ASH1L: variants seen among roughly 807,000 people sequenced by gnomAD.
ASH1L encodes histone-lysine N-methyltransferase ASH1L.
In ASH1L, 23 loss-of-function variants were observed where a neutral mutation model predicts 269.0. That is an observed-to-expected ratio of 0.09 (90% CI 0.06 to 0.12). The LOEUF is 0.12. Ranked by LOEUF, ASH1L falls within the 10% of genes least tolerant of loss-of-function variation. The probability of loss-of-function intolerance (pLI) is 1.00; values close to 1 mark genes in which losing one functional copy is unlikely to be tolerated. For synonymous variants in ASH1L, 1,187 were observed against 1,253.5 expected, an observed-to-expected ratio of 0.95 and a Z score of 1.12; for missense variants, 2,912 against 3,567.8, an observed-to-expected ratio of 0.82 and a Z score of 4.68.
Position 155,357,766 on chromosome 1 carries a change from T to A in ASH1L, c.6796-17A>T. The A allele has an allele frequency of 6.3e-7, 1 of 1,594,358 alleles. No individual in the cohort carries two copies. Among genetic ancestry groups the A allele is most frequent in the South Asian group, 1.1e-5 (1 of 87,250 alleles). On this transcript the variant is annotated splice_polypyrimidine_tract_variant and intron_variant, in intron 13 of 27. Coordinates refer to ENST00000392403, the MANE Select transcript of ASH1L (RefSeq NM_018489.3). Reference sequence around the variant, plus strand: ...ACAAAGTTGCTTTGAAGGGAGAGAATAATTTTTTTATTTTTATTTTTTTAA... The same window carrying A: ...ACAAAGTTGCTTTGAAGGGAGAGAAAAATTTTTTTATTTTTATTTTTTTAA...
rs141623223 is a variant in ASH1L at position 155,357,657 on chromosome 1, C to T, written c.6888G>A (p.Gln2296=). The change falls in exon 14 of 28, where the codon CAG becomes CAA. Residue 2296 remains glutamine (Q), a synonymous_variant. Coordinates refer to ENST00000392403, the MANE Select transcript of ASH1L (RefSeq NM_018489.3). Reference sequence around the variant, plus strand: ...CAGATTTTTTGTGTGTGGCCATGGGCTGGCTGTTTTTGCTGCTGGTGAGTC... The same window carrying T: ...CAGATTTTTTGTGTGTGGCCATGGGTTGGCTGTTTTTGCTGCTGGTGAGTC... The part of the protein sequence containing the change: ...VNGLTSSKNS[Q]PMATHKKSGR... 6.2e-7 allele frequency: 1 copy of T among 1,614,136 alleles called. No homozygotes were observed. Among genetic ancestry groups the T allele is most frequent in the South Asian group, 1.1e-5 (1 of 91,084 alleles).
rs1470388939 is a variant in ASH1L at position 155,337,062 on chromosome 1, G to C, written c.*598C>G. The C allele has an allele frequency of 6.6e-6, 1 of 152,348 alleles. No homozygotes were observed. The allele number at this position is 152,348 out of a possible 1,614,324, so 9.4% of individuals were successfully genotyped here. On this transcript the variant is annotated 3_prime_UTR_variant, in exon 28 of 28. Coordinates refer to ENST00000392403, the MANE Select transcript of ASH1L (RefSeq NM_018489.3). ...ATTTTGGGGAGTAGAGGTAGGGAGG[G>C]GGCAGCAGTTACAAGTGCTTTGAGC...
intron 1 of ASH1L, among the ~76,000 whole-genome samples, chr1:155,549,643 A>G (rs1280142519): frequency 6.6e-6 from 1 of 151,834 alleles, no homozygotes; most frequent in Non-Finnish European, 1.5e-5. Context: ...AAAAAAAAAA[A>G]ATTTAAGTAT....
Position 155,562,449 on chromosome 1 carries a change from A to T in ASH1L, c.-396T>A, listed in dbSNP as rs955052567. On this transcript the variant is annotated 5_prime_UTR_variant, in exon 1 of 28. Coordinates refer to ENST00000392403, the MANE Select transcript of ASH1L (RefSeq NM_018489.3). ...GAGCGGCGGCGGCGGCGGCGGCAGC[A>T]GCAGAGTGGCGGCGGTGGCGGCGGC... 6.8e-6 allele frequency: 10 copies of T among 1,465,180 alleles called. No homozygotes were observed. In the Admixed American group the frequency reaches 2.0e-4, roughly 29 times the overall value. The allele number at this position is 1,465,180 out of a possible 1,614,324, so 90.8% of individuals were successfully genotyped here. A position where few individuals can be genotyped will look rare whatever the true frequency, so the allele number is the denominator to read the frequency against.
intron 7 of ASH1L, among the ~76,000 whole-genome samples, chr1:155,393,928 G>T (rs757837164): frequency 2.6e-5 from 4 of 152,098 alleles, no homozygotes; most frequent in Non-Finnish European, 4.4e-5. Context: ...AATCCAGGGA[G>T]AGTAAGAAAG....
At chr1:155,531,958 T>C (rs1209398015) in intron 1 of ASH1L, among the ~76,000 whole-genome samples, 1 of 152,240 alleles carries the variant, frequency 6.6e-6, no homozygotes, top group East Asian at 1.9e-4. Context: ...AATATCATTC[T>C]TTCAGCTTTT....
chr1:155,533,479 C>T (rs187826406), intron 1 of ASH1L, among the ~76,000 whole-genome samples: 7 of 151,186 alleles, frequency 4.6e-5, no homozygotes, highest in Non-Finnish European at 8.8e-5. Context: ...TTTGGGAGGC[C>T]GAGGCGGGTG....
Position 155,480,497 on chromosome 1 carries a change from A to G in ASH1L, c.2373T>C (p.Ala791=), listed in dbSNP as rs554639275. The change falls in exon 3 of 28, where the codon GCT becomes GCC. Residue 791 remains alanine, a synonymous_variant. Transcript: ENST00000392403. Reference sequence around the variant, plus strand: ...ATGGTTTTTCACTATCAGCTAAGAGAGCAAGAGATGGAGCTGTGGATTTGC... The same window carrying G: ...ATGGTTTTTCACTATCAGCTAAGAGGGCAAGAGATGGAGCTGTGGATTTGC... ...KLSKSTAPSL[A]LLADSEKPSH... is the part of the protein sequence containing the mutation. 1.2e-6 allele frequency: 2 copies of G among 1,614,008 alleles called. No homozygotes were observed. Among genetic ancestry groups the G allele is most frequent in the Non-Finnish European group, 1.7e-6 (2 of 1,179,978 alleles).
chr1:155,436,625 T>A lies in ASH1L; in HGVS notation c.5828+1702A>T, dbSNP rs545313614. Among the ~76,000 whole-genome samples, 31 of 149,850 alleles carry A rather than the reference T, an allele frequency of 2.1e-4. 1 individual carries two copies. The highest frequency in any genetic ancestry group is 1.9e-4 in the Non-Finnish European group (13 of 67,734). On this transcript the variant is annotated intron_variant, in intron 5 of 27. Coordinates refer to ENST00000392403, the MANE Select transcript of ASH1L (RefSeq NM_018489.3). The stretch of plus-strand genomic sequence containing the variant: ...AATTCTCCTGCCTCAGCCTCCCAAG[T>A]AGCTGGGATTACAGGCACACACCAC...
In ASH1L at chr1:155,521,530, T is replaced by G. The variant is rs780367689; in HGVS notation, c.-11A>C. The stretch of plus-strand genomic sequence containing the variant: ...ATTTCTAGGGTCCATCACAAGCGTA[T>G]GTTATTGCCAAGGAATCTTATGAAA... On this transcript the variant is annotated 5_prime_UTR_variant, in exon 2 of 28. Transcript: ENST00000392403. 1.9e-6 allele frequency: 3 copies of G among 1,583,616 alleles called. No homozygotes were observed. The highest frequency in any genetic ancestry group is 3.8e-5 in the Admixed American group (2 of 52,298).
In ASH1L at chr1:155,477,991, A is replaced by G; in HGVS notation, c.4879T>C (p.Leu1627=). ...GAAAAGAGTCCAGGGCTGTCAGTTA[A>G]TTTCTTCCGGCCACTGGAGTTAGGG... The part of the protein sequence containing the change: ...SNPNSSGRKK[L]TDSPGLFSAQ... Residue 1627 remains leucine, a synonymous_variant, in exon 3 of 28, where the codon TTA becomes CTA. Coordinates refer to ENST00000392403, the MANE Select transcript of ASH1L (RefSeq NM_018489.3). 6.2e-7 allele frequency: 1 copy of G among 1,614,156 alleles called. No homozygotes were observed. The highest frequency in any genetic ancestry group is 8.5e-7 in the Non-Finnish European group (1 of 1,180,022).
At chr1:155,375,560 G>A (rs1319177941) in intron 10 of ASH1L, among the ~76,000 whole-genome samples, 4 of 152,154 alleles carry the variant, frequency 2.6e-5, no homozygotes, top group Non-Finnish European at 1.5e-5. Flanking sequence ...GCTGAGGCAA[G>A]AGGATCACCT....
At chr1:155,441,281 C>T (rs1014176525) in intron 4 of ASH1L, among the ~76,000 whole-genome samples, 1 of 151,560 alleles carries the variant, frequency 6.6e-6, no homozygotes. Context: ...AAAGGTCTGT[C>T]TCTCTCTCTA....
chr1:155,468,231 A>ATT lies in ASH1L; in HGVS notation c.4985-8335_4985-8334dup, dbSNP rs141205897. Among the ~76,000 whole-genome samples the ATT allele has an allele frequency of 3.1e-4, 46 of 148,900 alleles. No homozygotes were observed. In the East Asian group the frequency reaches 4.1e-3, roughly 13 times the overall value. On this transcript the variant is annotated intron_variant, in intron 3 of 27. Coordinates refer to ENST00000392403, the MANE Select transcript of ASH1L (RefSeq NM_018489.3). Reference sequence around the variant, plus strand: ...TAGAATGCCCTTTATTATTATTATTATTTTTTTTTTCTGCTTAGATTTAAC... The same window carrying ATT: ...TAGAATGCCCTTTATTATTATTATTATTTTTTTTTTTTCTGCTTAGATTTAAC...
intron 10 of ASH1L, among the ~76,000 whole-genome samples, chr1:155,376,406 T>G (rs1656443700): frequency 6.6e-6 from 1 of 152,242 alleles, no homozygotes; most frequent in South Asian, 2.1e-4. Flanking sequence ...TAAAATTCAC[T>G]GATTCTTTTT....
chr1:155,548,992 G>A (rs1376732520), intron 1 of ASH1L, among the ~76,000 whole-genome samples: 2 of 152,174 alleles, frequency 1.3e-5, no homozygotes, highest in Non-Finnish European at 1.5e-5. Flanking sequence ...GGCAGGGGTG[G>A]AAGAAAAGGA....
At chr1:155,434,136 A>T in intron 5 of ASH1L, 1 of 1,594,606 alleles carries the variant, frequency 6.3e-7, no homozygotes, top group Non-Finnish European at 8.5e-7. Flanking sequence ...CCAGGGCCCC[A>T]TTTTGGTACC....
At chr1:155,492,280 T>C (rs538867954) in intron 2 of ASH1L, among the ~76,000 whole-genome samples, 2 of 150,120 alleles carry the variant, frequency 1.3e-5, no homozygotes, top group African/African-American at 4.9e-5. Context: ...ACTCCCAACC[T>C]CAGCCGCCAG....
intron 7 of ASH1L, among the ~76,000 whole-genome samples, chr1:155,386,917 T>C (rs1657482380): frequency 6.6e-6 from 1 of 152,194 alleles, no homozygotes; most frequent in African/African-American, 2.4e-5. Context: ...CCTGTGCCTA[T>C]GTCCTGAATG....
Sources: gnomAD v4.1 joint callset for allele counts (sites outside exome capture counted in the v4.1 genomes callset) on GRCh38, gnomAD v4.1.1 for gene constraint, MANE v1.5 for transcripts, NCBI Gene and HGNC (gene_info 2026-07-23, HGNC 2026-07-21) for gene names.